IL1RAPL1: variants seen among roughly 807,000 people sequenced by gnomAD.
IL1RAPL1 encodes interleukin 1 receptor accessory protein like 1, also known as interleukin-1 receptor accessory protein-like 1.
A neutral mutation model predicts 48.4 loss-of-function variants in IL1RAPL1; 3 were observed. The observed-to-expected ratio is 0.06, with a 90% CI of 0.03 to 0.16. IL1RAPL1 has a LOEUF of 0.16. IL1RAPL1 is among the 10% of genes least tolerant of loss of function. IL1RAPL1 has a pLI of 1.00. For synonymous variants in IL1RAPL1, 185 were observed against 187.7 expected (o/e 0.99, Z 0.12); for missense variants, 349 against 530.6 (o/e 0.66, Z 3.36).
intron 2 of IL1RAPL1, among the ~76,000 whole-genome samples, chrX:29,061,105 T>G (rs1399777926): frequency 9.0e-6 from 1 of 111,238 alleles, no homozygotes; most frequent in Non-Finnish European, 1.9e-5. Context: ...CTAACCAAAT[T>G]TTCCATTGTA....
In IL1RAPL1 at chrX:29,801,076, A is replaced by AAAAAAAAAAAAAAAAAAAC. The variant is rs1569172133; in HGVS notation, c.779-116384_779-116383insAAAAAAAAAAAAAACAAAA. On this transcript the variant is annotated intron_variant, in intron 6 of 10. Transcript: ENST00000378993. ...AAAAAAAAAAAAAAAAAAAAAAAAA[A>AAAAAAAAAAAAAAAAAAAC]AAAACTCATCTTTTAATGTTAGTTT... Among the ~76,000 whole-genome samples, 8 of 87,013 alleles carry AAAAAAAAAAAAAAAAAAAC rather than the reference A, an allele frequency of 9.2e-5. 1 individual carries two copies. The highest frequency in any genetic ancestry group is 4.5e-4 in the African/African-American group (8 of 17,781). The allele number at this position is 87,013 out of a possible 115,157, so 75.6% of individuals were successfully genotyped here.
chrX:29,691,693 G>A (rs1926774079), intron 6 of IL1RAPL1, among the ~76,000 whole-genome samples: 2 of 100,764 alleles, frequency 2.0e-5, no homozygotes, highest in African/African-American at 3.8e-5. Context: ...CTATAGAGCC[G>A]AGATTGCGCC....
intron 6 of IL1RAPL1, among the ~76,000 whole-genome samples, chrX:29,723,920 T>G (rs1927708658): frequency 9.0e-6 from 1 of 110,941 alleles, no homozygotes; most frequent in African/African-American, 3.3e-5. Context: ...GTTCAAATGA[T>G]TCCCCTGCCT....
chrX:28,812,473 T>G (rs372598820), intron 2 of IL1RAPL1, among the ~76,000 whole-genome samples: 13 of 110,804 alleles, frequency 1.2e-4, no homozygotes, highest in African/African-American at 4.2e-4. Flanking sequence ...GATGATTTTT[T>G]GCTTGTTGTA....
intron 6 of IL1RAPL1, among the ~76,000 whole-genome samples, chrX:29,802,759 A>ATATATATATATATATG (rs1929946425): frequency 4.6e-5 from 1 of 21,718 alleles, no homozygotes; most frequent in Non-Finnish European, 7.4e-5. Context: ...ATATATATAT[A>ATATATATATATATATG]TATATATATA....
Position 29,941,934 on chromosome X carries a change from C to A in IL1RAPL1, c.1201+140C>A, listed in dbSNP as rs879021759. On this transcript the variant is annotated intron_variant, in intron 9 of 10. Transcript: ENST00000378993. ...CTTTCAGTGCTCAGTTTGTAAATTT[C>A]TCTTTTGTAAGGAAATGTGTGATGC... is the stretch of plus-strand genomic sequence containing the variant. 8.3e-5 allele frequency: 46 copies of A among 555,152 alleles called. No homozygotes were observed. The South Asian group carries it at 1.3e-3, about 16-fold the overall frequency. The allele number at this position is 555,152 out of a possible 1,213,427, so 45.8% of individuals were successfully genotyped here.
chrX:29,473,683 G>A (rs1934945014), intron 5 of IL1RAPL1, among the ~76,000 whole-genome samples: 1 of 104,005 alleles, frequency 9.6e-6, no homozygotes, highest in Non-Finnish European at 1.9e-5. Context: ...ATCACTTAGT[G>A]AGGAATTCTC....
chrX:28,669,769 T>C (rs1046203627), intron 1 of IL1RAPL1, among the ~76,000 whole-genome samples: 3 of 104,413 alleles, frequency 2.9e-5, no homozygotes, highest in African/African-American at 1.0e-4. Context: ...TTTATATATA[T>C]AATCATATAT....
At chrX:29,412,210 G>T (rs1934152590) in intron 5 of IL1RAPL1, among the ~76,000 whole-genome samples, 1 of 110,824 alleles carries the variant, frequency 9.0e-6, no homozygotes, top group Non-Finnish European at 1.9e-5. Flanking sequence ...GGCAGAAGTT[G>T]CAGTGAGCCG....
At chrX:28,747,222 A>G (rs1203604227) in intron 1 of IL1RAPL1, among the ~76,000 whole-genome samples, 1 of 111,490 alleles carries the variant, frequency 9.0e-6, no homozygotes, top group Non-Finnish European at 1.9e-5. Flanking sequence ...AAATATTTAT[A>G]ATACTATTTT....
At chrX:29,479,813 C>G (rs1275544266) in intron 5 of IL1RAPL1, among the ~76,000 whole-genome samples, 1 of 111,062 alleles carries the variant, frequency 9.0e-6, no homozygotes, top group East Asian at 2.8e-4. Context: ...ATAATGGCCT[C>G]CAGCTCCATC....
intron 2 of IL1RAPL1, among the ~76,000 whole-genome samples, chrX:29,248,075 T>A (rs1340491013): frequency 2.7e-5 from 3 of 111,504 alleles, no homozygotes; most frequent in African/African-American, 9.8e-5. Context: ...TTCAAGGTGT[T>A]TCCAATTTGC....
chrX:29,569,644 AC>A (rs200993038), intron 5 of IL1RAPL1, among the ~76,000 whole-genome samples: 1,854 of 99,039 alleles, frequency 0.019, 43 homozygotes, highest in African/African-American at 0.078. Flanking sequence ...AAAAAAAAAA[AC>A]AACTGCCATT....
At chrX:29,074,639 A>T (rs994701606) in intron 2 of IL1RAPL1, among the ~76,000 whole-genome samples, 1 of 111,294 alleles carries the variant, frequency 9.0e-6, no homozygotes, top group Non-Finnish European at 1.9e-5. Context: ...TATAATTTAC[A>T]TCTGTGTTAG....
intron 1 of IL1RAPL1, among the ~76,000 whole-genome samples, chrX:28,760,303 C>G (rs1282049922): frequency 8.9e-6 from 1 of 111,900 alleles, no homozygotes; most frequent in Non-Finnish European, 1.9e-5. Context: ...GGTCTATTAT[C>G]TAGCCCTAAC....
At chrX:29,083,289 C>T (rs749865472) in intron 2 of IL1RAPL1, among the ~76,000 whole-genome samples, 1 of 112,037 alleles carries the variant, frequency 8.9e-6, no homozygotes, top group South Asian at 3.7e-4. Context: ...CCAGAAGATG[C>T]ATAATCTCCT....
chrX:28,745,518 T>G (rs1288443551), intron 1 of IL1RAPL1, among the ~76,000 whole-genome samples: 1 of 110,919 alleles, frequency 9.0e-6, no homozygotes, highest in Non-Finnish European at 1.9e-5. Context: ...GTTTATGAAA[T>G]TTAGTCTTTA....
chrX:28,683,345 G>T (rs1174065364), intron 1 of IL1RAPL1, among the ~76,000 whole-genome samples: 1 of 107,233 alleles, frequency 9.3e-6, no homozygotes, highest in Non-Finnish European at 1.9e-5. Context: ...ATACAACAGA[G>T]AGGAAATATC....
intron 2 of IL1RAPL1, among the ~76,000 whole-genome samples, chrX:28,804,313 T>C (rs1936705300): frequency 8.9e-6 from 1 of 111,936 alleles, no homozygotes; most frequent in African/African-American, 3.2e-5. Flanking sequence ...TGCTATTAAA[T>C]ACCTTGCAAA....
Sources: gnomAD v4.1 joint callset for allele counts (sites outside exome capture counted in the v4.1 genomes callset) on GRCh38, gnomAD v4.1.1 for gene constraint, MANE v1.5 for transcripts, NCBI Gene and HGNC (gene_info 2026-07-23, HGNC 2026-07-21) for gene names.